The following CTNNA2 variants were observed in gnomAD, a reference collection of about 807,000 sequenced individuals.
The protein encoded by CTNNA2 is catenin alpha 2, also known as catenin alpha-2.
A neutral mutation model predicts 101.0 loss-of-function variants in CTNNA2; 42 were observed. That is an observed-to-expected ratio of 0.42 (90% CI 0.32 to 0.54). CTNNA2 has a LOEUF of 0.54. CTNNA2 is among the 20% of genes least tolerant of loss of function. The probability of loss-of-function intolerance (pLI) is 0.14; values close to 1 mark genes in which losing one functional copy is unlikely to be tolerated. For synonymous variants in CTNNA2, 450 were observed against 456.4 expected (o/e 0.99, Z 0.18); for missense variants, 871 against 1,223.1 (o/e 0.71, Z 4.29).
chr2:80,219,501 T>G (rs6760674), intron 7 of CTNNA2, among the ~76,000 whole-genome samples: 33,545 of 152,046 alleles, frequency 0.22, 5,574 homozygotes, highest in African/African-American at 0.46. Context: ...GTTTCTAATT[T>G]CTATCGCTTT....
chr2:79,958,823 G>A (rs1392496824), intron 7 of CTNNA2, among the ~76,000 whole-genome samples: 1 of 151,604 alleles, frequency 6.6e-6, no homozygotes, highest in East Asian at 1.9e-4. Context: ...AGGTTGTTGA[G>A]AATATCTTTA....
chr2:80,440,196 T>G (rs763561271), intron 9 of CTNNA2, among the ~76,000 whole-genome samples: 5 of 152,146 alleles, frequency 3.3e-5, no homozygotes, highest in Non-Finnish European at 7.3e-5. Flanking sequence ...GCTCACTGTC[T>G]CTCTGCCACC....
At chr2:79,192,663 C>T (rs946299138) in intron 1 of CTNNA2, among the ~76,000 whole-genome samples, 1 of 151,992 alleles carries the variant, frequency 6.6e-6, no homozygotes, top group Non-Finnish European at 1.5e-5. Context: ...CGAAATTTTT[C>T]TCTATCTGAA....
chr2:79,389,156 G>A (rs1037420712), intron 4 of CTNNA2, among the ~76,000 whole-genome samples: 2 of 152,144 alleles, frequency 1.3e-5, no homozygotes, highest in Non-Finnish European at 2.9e-5. Flanking sequence ...ACAAAAATAT[G>A]TGCTTTGTTT....
At chr2:79,734,703 T>A (rs1670744008) in intron 2 of CTNNA2, among the ~76,000 whole-genome samples, 1 of 152,146 alleles carries the variant, frequency 6.6e-6, no homozygotes, top group African/African-American at 2.4e-5. Flanking sequence ...TAATCATCAT[T>A]ACGTCATATG....
At chr2:79,848,556 A>G (rs181183664) in intron 3 of CTNNA2, among the ~76,000 whole-genome samples, 1 of 152,312 alleles carries the variant, frequency 6.6e-6, no homozygotes, top group African/African-American at 2.4e-5. Context: ...CCAACCCAGG[A>G]AAAGGCTACA....
chr2:80,065,254 G>A (rs1572980017), intron 7 of CTNNA2, among the ~76,000 whole-genome samples: 1 of 152,008 alleles, frequency 6.6e-6, no homozygotes, highest in African/African-American at 2.4e-5. Context: ...AAGTAAGGGG[G>A]ACAGATGAGG....
chr2:79,807,103 T>G (rs1044608486), intron 3 of CTNNA2, among the ~76,000 whole-genome samples: 3 of 152,176 alleles, frequency 2.0e-5, no homozygotes, highest in South Asian at 4.1e-4. Flanking sequence ...ACTGTTATTT[T>G]AATGAAAATT....
intron 7 of CTNNA2, among the ~76,000 whole-genome samples, chr2:80,022,694 A>G (rs60520594): frequency 0.014 from 2,199 of 152,282 alleles, 59 homozygotes; most frequent in African/African-American, 0.051. Context: ...AAACAACATG[A>G]CAATGTTGTC....
At chr2:79,808,960 C>A (rs1289138534) in intron 3 of CTNNA2, among the ~76,000 whole-genome samples, 1 of 152,104 alleles carries the variant, frequency 6.6e-6, no homozygotes, top group Non-Finnish European at 1.5e-5. Flanking sequence ...CCCCAACAGA[C>A]CCTGGTGTGT....
intron 3 of CTNNA2, among the ~76,000 whole-genome samples, chr2:79,832,975 C>G (rs1001849512): frequency 6.6e-6 from 1 of 152,118 alleles, no homozygotes; most frequent in Non-Finnish European, 1.5e-5. Flanking sequence ...GAAAATGAAA[C>G]TGATTTAAAT....
chr2:80,345,885 G>A (rs1334513172), intron 7 of CTNNA2, among the ~76,000 whole-genome samples: 1 of 152,188 alleles, frequency 6.6e-6, no homozygotes, highest in Non-Finnish European at 1.5e-5. Flanking sequence ...CCTAGAGGAA[G>A]AGGCAAAGTA....
At chr2:79,561,857 A>AG in intron 1 of CTNNA2, among the ~76,000 whole-genome samples, 1 of 151,962 alleles carries the variant, frequency 6.6e-6, no homozygotes, top group South Asian at 2.1e-4. Context: ...TCTGGATATT[A>AG]GAGTCTTACT....
At chr2:80,432,178 T>C (rs1321914470) in intron 9 of CTNNA2, among the ~76,000 whole-genome samples, 1 of 152,138 alleles carries the variant, frequency 6.6e-6, no homozygotes, top group Non-Finnish European at 1.5e-5. Context: ...AATAACATCG[T>C]TTTGCTTATT....
chr2:79,971,573 T>C (rs1187695743), intron 7 of CTNNA2, among the ~76,000 whole-genome samples: 2 of 152,184 alleles, frequency 1.3e-5, no homozygotes, highest in Non-Finnish European at 2.9e-5. Context: ...ATTATCCCCC[T>C]TTTCAGAAGT....
intron 1 of CTNNA2, among the ~76,000 whole-genome samples, chr2:79,594,700 GTTTC>G (rs1450698336): frequency 6.6e-6 from 1 of 151,648 alleles, no homozygotes; most frequent in Non-Finnish European, 1.5e-5. Context: ...TTCTCTTCCT[GTTTC>G]TTTCTGCCTC....
At chr2:80,492,109 G>T (rs1687110360) in intron 9 of CTNNA2, among the ~76,000 whole-genome samples, 2 of 152,160 alleles carry the variant, frequency 1.3e-5, no homozygotes, top group African/African-American at 4.8e-5. Flanking sequence ...TAGAGGCAGG[G>T]CCTGGTAGGA....
chr2:80,423,832 C>A (rs1429936177), intron 9 of CTNNA2, among the ~76,000 whole-genome samples: 3 of 152,096 alleles, frequency 2.0e-5, no homozygotes, highest in Non-Finnish European at 4.4e-5. Flanking sequence ...TATGTGACAG[C>A]CAGGATTTGA....
At chr2:79,224,322 A>G (rs1032697125) in intron 2 of CTNNA2, among the ~76,000 whole-genome samples, 1 of 152,150 alleles carries the variant, frequency 6.6e-6, no homozygotes, top group Non-Finnish European at 1.5e-5. Context: ...ATATGTGTGT[A>G]TTAACATTAT....
Sources: gnomAD v4.1 joint callset for allele counts (sites outside exome capture counted in the v4.1 genomes callset) on GRCh38, gnomAD v4.1.1 for gene constraint, MANE v1.5 for transcripts, NCBI Gene and HGNC (gene_info 2026-07-23, HGNC 2026-07-21) for gene names.